The following MRPS21 variants were observed in gnomAD, a reference collection of about 807,000 sequenced individuals.
MRPS21 encodes the protein small ribosomal subunit protein bS21m.
A neutral mutation model predicts 9.9 loss-of-function variants in MRPS21; 8 were observed. The ratio of observed to expected loss-of-function variants is 0.81; its 90% CI spans 0.47 to 1.45. The LOEUF is 1.45. Ranked by LOEUF, MRPS21 falls within the 40% of genes most tolerant of loss-of-function variation. The probability of loss-of-function intolerance (pLI) is 0.00; values close to 1 mark genes in which losing one functional copy is unlikely to be tolerated. For missense variants in MRPS21, 101 were observed against 118.9 expected, an observed-to-expected ratio of 0.85 and a Z score of 0.70; for synonymous variants, 40 against 40.3, an observed-to-expected ratio of 0.99 and a Z score of 0.03.
At chr1:150,299,429 GT>G (rs11410403) in intron 2 of MRPS21, among the ~76,000 whole-genome samples, 63 of 150,360 alleles carry the variant, frequency 4.2e-4, no homozygotes, top group African/African-American at 1.4e-3. Context: ...TGCTTTTCCT[GT>G]TTTTTTTTCT....
intron 2 of MRPS21, among the ~76,000 whole-genome samples, chr1:150,301,044 T>C (rs891952962): frequency 1.4e-5 from 2 of 145,312 alleles, no homozygotes; most frequent in African/African-American, 5.1e-5. Context: ...CTAAAAAAAA[T>C]ACAAAAATTG....
rs71622690 is a variant in MRPS21, at chr1:150,308,908, C to G, written c.*680C>G. 1,480 of 154,568 alleles carry G rather than the reference C, an allele frequency of 9.6e-3. 59 individuals carry two copies. Among genetic ancestry groups the G allele is most frequent in the Admixed American group, 0.066 (1,015 of 15,268 alleles). 9.6% of individuals were successfully genotyped at this position (154,568 alleles called of 1,614,324 possible). On this transcript the variant is annotated 3_prime_UTR_variant, in exon 3 of 3. Transcript: ENST00000614145. ...AAAAAGTTGAATGTACTTAATGCCA[C>G]TGAACTATACCCTTAAATGGTCACG...
rs1172470102 is a variant in MRPS21 at position 150,294,371 on chromosome 1, C to T, written c.5C>T (p.Ala2Val). 7 of 1,612,844 alleles carry T rather than the reference C, an allele frequency of 4.3e-6. No homozygotes were observed. Among genetic ancestry groups the T allele is most frequent in the African/African-American group, 4.0e-5 (3 of 74,872 alleles). The change falls in exon 2 of 3, where the codon GCA (alanine) becomes GTA (valine). Residue 2 changes from alanine to valine, a missense_variant. Transcript: ENST00000614145. M[A>V]KHLKFIARTV... ...TGAAGGTTTAAATCCAAGGTCATGGCAAAACATCTGAAGTTCATCGCCAGG... is the reference window on the plus strand; with the variant it reads ...TGAAGGTTTAAATCCAAGGTCATGGTAAAACATCTGAAGTTCATCGCCAGG...
intron 2 of MRPS21, among the ~76,000 whole-genome samples, chr1:150,296,042 C>G (rs980588501): frequency 6.6e-6 from 1 of 151,678 alleles, no homozygotes; most frequent in Non-Finnish European, 1.5e-5. Flanking sequence ...GCCTCCGCCT[C>G]CTGGGTTCAA....
chr1:150,293,919 T>C (rs1469101858), intron 1 of MRPS21, 21 bp downstream of exon 1: 6 of 202,988 alleles, frequency 3.0e-5, no homozygotes, highest in African/African-American at 4.6e-5. Flanking sequence ...GTGCAGGGTT[T>C]GGGGAAAGGA....
At chr1:150,299,429 G>GT (rs11410403) in intron 2 of MRPS21, among the ~76,000 whole-genome samples, 79,040 of 150,348 alleles carry the variant, frequency 0.53, 21,765 homozygotes, top group Non-Finnish European at 0.61. Context: ...TGCTTTTCCT[G>GT]TTTTTTTTTC....
At chr1:150,301,061 C>T (rs587621447) in intron 2 of MRPS21, among the ~76,000 whole-genome samples, 1 of 152,080 alleles carries the variant, frequency 6.6e-6, no homozygotes, top group African/African-American at 2.4e-5. Flanking sequence ...ATTGGCCGGG[C>T]GCGGTGGCTC....
In MRPS21 at chr1:150,308,677, C is replaced by CAAAAAA; in HGVS notation, c.*453_*458dup. On this transcript the variant is annotated 3_prime_UTR_variant, in exon 3 of 3. Coordinates refer to ENST00000614145, the MANE Select transcript of MRPS21 (RefSeq NM_031901.6). Reference sequence around the variant, plus strand: ...TGAAACCCCATCTCTACTAAAAATACAAAAAAAAATTGGCCGGGCGTGGTG... The same window carrying CAAAAAA: ...TGAAACCCCATCTCTACTAAAAATACAAAAAAAAAAAAAAATTGGCCGGGCGTGGTG... The CAAAAAA allele has an allele frequency of 6.6e-6, 1 of 150,502 alleles. No individual in the cohort carries two copies. The highest frequency in any genetic ancestry group is 6.6e-5 in the Admixed American group (1 of 15,142). 9.3% of individuals were successfully genotyped at this position (150,502 alleles called of 1,614,324 possible).
chr1:150,299,836 TAGAG>T (rs1476671010), intron 2 of MRPS21, among the ~76,000 whole-genome samples: 1 of 152,126 alleles, frequency 6.6e-6, no homozygotes, highest in African/African-American at 2.4e-5. Flanking sequence ...GTGTTAATAT[TAGAG>T]AGCCGGAGAG....
intron 1 of MRPS21, chr1:150,294,112 G>C (rs1553856139): frequency 2.4e-6 from 1 of 409,574 alleles, no homozygotes; most frequent in African/African-American, 2.0e-5. Flanking sequence ...TTGTGGTAAC[G>C]CCCTGCTGCC....
intron 2 of MRPS21, among the ~76,000 whole-genome samples, chr1:150,305,690 G>A (rs782208489): frequency 2.6e-5 from 4 of 151,962 alleles, no homozygotes; most frequent in Non-Finnish European, 4.4e-5. Context: ...CACCTCCCAG[G>A]TTCAAGCTAT....
intron 2 of MRPS21, among the ~76,000 whole-genome samples, chr1:150,299,549 G>A (rs1553857270): frequency 6.6e-6 from 1 of 152,008 alleles, no homozygotes; most frequent in Non-Finnish European, 1.5e-5. Context: ...CCGCCTCCCA[G>A]GTTCAAGTGA....
chr1:150,300,944 G>C (rs1394946711), intron 2 of MRPS21, among the ~76,000 whole-genome samples: 1 of 151,158 alleles, frequency 6.6e-6, no homozygotes, highest in Non-Finnish European at 1.5e-5. Context: ...ACCCCTGTAA[G>C]CTCAGCACTT....
intron 1 of MRPS21, 61 bp downstream of exon 1, chr1:150,293,959 G>A: frequency 4.7e-6 from 1 of 211,252 alleles, no homozygotes. Flanking sequence ...GCAGGTTTGC[G>A]GGCTTTCGCC....
intron 2 of MRPS21, chr1:150,304,282 G>A: frequency 4.5e-6 from 1 of 220,164 alleles, no homozygotes; most frequent in Admixed American, 5.1e-5. Flanking sequence ...CTGCACTCCA[G>A]CCTGGGCAAC....
At chr1:150,300,718 A>C (rs968748363) in intron 2 of MRPS21, among the ~76,000 whole-genome samples, 1 of 152,164 alleles carries the variant, frequency 6.6e-6, no homozygotes, top group Admixed American at 6.6e-5. Flanking sequence ...AGATGCATCA[A>C]ATTTGTCCAG....
chr1:150,304,014 T>A, intron 2 of MRPS21: 1 of 414,296 alleles, frequency 2.4e-6, no homozygotes, highest in South Asian at 1.7e-5. Flanking sequence ...TGATCAGTGC[T>A]ATAAAAGAGA....
Position 150,308,241 on chromosome 1 carries a change from G to T in MRPS21, c.*13G>T. 6.3e-7 allele frequency: 1 copy of T among 1,577,814 alleles called. No homozygotes were observed. The highest frequency in any genetic ancestry group is 8.7e-7 in the Non-Finnish European group (1 of 1,150,702). ...GCAGGGCTGCTGAGGCCTGTGGGTG[G>T]GACACCCAGTGCGAAACCCTCATCC... On this transcript the variant is annotated 3_prime_UTR_variant, in exon 3 of 3. Coordinates refer to ENST00000614145, the MANE Select transcript of MRPS21 (RefSeq NM_031901.6).
intron 2 of MRPS21, among the ~76,000 whole-genome samples, chr1:150,303,686 T>G (rs587653938): frequency 6.6e-6 from 1 of 152,346 alleles, no homozygotes; most frequent in South Asian, 2.1e-4. Context: ...AAAGAGGACA[T>G]TATTTGCCTA....
Sources: gnomAD v4.1 joint callset for allele counts (sites outside exome capture counted in the v4.1 genomes callset) on GRCh38, gnomAD v4.1.1 for gene constraint, MANE v1.5 for transcripts, NCBI Gene and HGNC (gene_info 2026-07-23, HGNC 2026-07-21) for gene names.